Variants in EFHC2 observed in about 807,000 individuals in gnomAD.
The protein encoded by EFHC2 is EF-hand domain containing 2.
Under a neutral mutation model 52.7 loss-of-function variants are expected in EFHC2, and 18 were observed. That is an observed-to-expected ratio of 0.34 (90% CI 0.24 to 0.51). The LOEUF (loss-of-function observed/expected upper bound fraction) is 0.51, where lower values mean the gene tolerates loss of function less well. EFHC2 is among the 20% of genes least tolerant of loss of function. The pLI is 0.97. For synonymous variants in EFHC2, 203 were observed against 204.1 expected (o/e 0.99, Z 0.04); for missense variants, 513 against 562.5 (o/e 0.91, Z 0.89).
At chrX:44,230,071 C>T (rs919206329) in intron 10 of EFHC2, among the ~76,000 whole-genome samples, 50 of 111,454 alleles carry the variant, frequency 4.5e-4, no homozygotes, top group Non-Finnish European at 5.5e-4. Flanking sequence ...CAGCCTCCTC[C>T]CTCTAACCCT....
chrX:44,199,927 G>A (rs1004929455), intron 11 of EFHC2, among the ~76,000 whole-genome samples: 2 of 112,143 alleles, frequency 1.8e-5, no homozygotes, highest in Non-Finnish European at 3.8e-5. Flanking sequence ...GACAAAGAAA[G>A]GTTGAGGAAC....
chrX:44,219,945 G>A (rs1375501989), intron 11 of EFHC2, among the ~76,000 whole-genome samples: 3 of 111,320 alleles, frequency 2.7e-5, no homozygotes, highest in African/African-American at 9.8e-5. Flanking sequence ...AATAAAAAAT[G>A]TTCTTTCTGA....
At chrX:44,303,286 A>T (rs1019413558) in intron 2 of EFHC2, among the ~76,000 whole-genome samples, 1 of 111,495 alleles carries the variant, frequency 9.0e-6, no homozygotes, top group Non-Finnish European at 1.9e-5. Context: ...TCACATCTAA[A>T]CACAGAAAAT....
At chrX:44,181,209 GT>G (rs991251662) in intron 11 of EFHC2, among the ~76,000 whole-genome samples, 1 of 111,510 alleles carries the variant, frequency 9.0e-6, no homozygotes, top group African/African-American at 3.3e-5. Context: ...TGCACATATG[GT>G]CATAGAAATA....
intron 1 of EFHC2, among the ~76,000 whole-genome samples, chrX:44,320,624 A>G (rs940952101): frequency 5.4e-5 from 6 of 110,683 alleles, no homozygotes; most frequent in African/African-American, 2.0e-4. Context: ...TCTCCCTTCC[A>G]TGGCCTCCTT....
intron 10 of EFHC2, 145 bp from the exon 11 acceptor site, chrX:44,229,924 A>G: frequency 1.8e-6 from 1 of 543,036 alleles, no homozygotes; most frequent in Non-Finnish European, 2.9e-6. Flanking sequence ...AACACCGAGA[A>G]GGCATGACTA....
intron 1 of EFHC2, among the ~76,000 whole-genome samples, chrX:44,318,905 G>A (rs1459816346): frequency 1.8e-5 from 2 of 110,988 alleles, no homozygotes; most frequent in African/African-American, 3.3e-5. Context: ...AAAGTTTCCC[G>A]AGGGACACAG....
rs768378600 is a variant in EFHC2 at position 44,164,020 on chromosome X, C to A, written c.2050G>T (p.Asp684Tyr). 24 of 1,093,486 alleles carry A rather than the reference C, an allele frequency of 2.2e-5. No homozygotes were observed. In the South Asian group the frequency reaches 5.7e-4, roughly 26 times the overall value. The allele number at this position is 1,093,486 out of a possible 1,213,427, so 90.1% of individuals were successfully genotyped here. The change falls in exon 14 of 15, where the codon GAC (aspartate) becomes TAC (tyrosine). Residue 684 changes from aspartate to tyrosine, a missense_variant. Physicochemically the swap from Asp to Tyr is radical, Grantham distance 160 (BLOSUM62 -3). Coordinates refer to ENST00000420999, the MANE Select transcript of EFHC2 (RefSeq NM_025184.4). ...TTATAATCTATTTGTTTTTCACTGT[C>A]TTCAAACCTGAAAATATAATTATAA... Reference protein sequence around the residue: ...LLESLLSRFEDSEKQIDYKSF... With the variant: ...LLESLLSRFEYSEKQIDYKSF...
At chrX:44,289,488 G>A (rs2037776317) in intron 2 of EFHC2, among the ~76,000 whole-genome samples, 1 of 110,688 alleles carries the variant, frequency 9.0e-6, no homozygotes, top group Non-Finnish European at 1.9e-5. Context: ...CTGGCATTTA[G>A]TATTGCTGAG....
At chrX:44,169,479 C>A (rs1448979883) in intron 13 of EFHC2, among the ~76,000 whole-genome samples, 3 of 110,561 alleles carry the variant, frequency 2.7e-5, no homozygotes, top group Non-Finnish European at 3.8e-5. Context: ...CAGGGTCTCA[C>A]TATGTTGCCA....
chrX:44,249,800 A>G (rs2037428551), intron 5 of EFHC2, among the ~76,000 whole-genome samples: 1 of 112,409 alleles, frequency 8.9e-6, no homozygotes, highest in Non-Finnish European at 1.9e-5. Context: ...GTGCACGTGT[A>G]TAAGTGTGTG....
At chrX:44,301,562 C>A (rs2037869467) in intron 2 of EFHC2, among the ~76,000 whole-genome samples, 2 of 111,776 alleles carry the variant, frequency 1.8e-5, no homozygotes, top group African/African-American at 6.5e-5. Context: ...AATTTATATA[C>A]CATAAAATTT....
chrX:44,308,653 A>G (rs1470888833), intron 2 of EFHC2, among the ~76,000 whole-genome samples: 3 of 111,994 alleles, frequency 2.7e-5, no homozygotes, highest in Non-Finnish European at 1.9e-5. Flanking sequence ...GCCGCAGGAT[A>G]AAAACACAAC....
At chrX:44,269,462 G>T (rs2037601347) in intron 3 of EFHC2, among the ~76,000 whole-genome samples, 1 of 111,054 alleles carries the variant, frequency 9.0e-6, no homozygotes, top group South Asian at 3.9e-4. Flanking sequence ...CTGCTGGGAG[G>T]TGTTTGGGTC....
At chrX:44,284,317 C>T in intron 2 of EFHC2, 1 of 111,560 alleles carries the variant, frequency 9.0e-6, no homozygotes, top group Admixed American at 9.5e-5. Context: ...GTATCTACAG[C>T]CTTAAAATTA....
chrX:44,215,521 A>C (rs2037138102), intron 11 of EFHC2, among the ~76,000 whole-genome samples: 1 of 86,583 alleles, frequency 1.2e-5, no homozygotes, highest in African/African-American at 4.6e-5. Flanking sequence ...GAGAAAGCAT[A>C]CTTCCATTGG....
intron 7 of EFHC2, among the ~76,000 whole-genome samples, chrX:44,247,868 G>A (rs183430703): frequency 1.0e-3 from 115 of 112,187 alleles, no homozygotes; most frequent in African/African-American, 3.6e-3. Context: ...TAGCAGAAGA[G>A]AATTCCCTCA....
At chrX:44,175,933 T>C (rs2036782834) in intron 13 of EFHC2, among the ~76,000 whole-genome samples, 1 of 112,221 alleles carries the variant, frequency 8.9e-6, no homozygotes, top group African/African-American at 3.2e-5. Flanking sequence ...TAGGTTCTCT[T>C]ACTGCATGTC....
At chrX:44,149,725 C>T (rs1351707914) in intron 14 of EFHC2, among the ~76,000 whole-genome samples, 1 of 111,376 alleles carries the variant, frequency 9.0e-6, no homozygotes, top group African/African-American at 3.3e-5. Context: ...ATAGGCCGGA[C>T]TGGTCTGGTC....
Sources: gnomAD v4.1 joint callset for allele counts (sites outside exome capture counted in the v4.1 genomes callset) on GRCh38, gnomAD v4.1.1 for gene constraint, MANE v1.5 for transcripts, NCBI Gene and HGNC (gene_info 2026-07-23, HGNC 2026-07-21) for gene names.